Variants in TASP1 observed in about 807,000 individuals in gnomAD.
TASP1 encodes the protein taspase 1.
Under a neutral mutation model 56.6 loss-of-function variants are expected in TASP1, and 16 were observed. The ratio of observed to expected loss-of-function variants is 0.28; its 90% CI spans 0.19 to 0.43. TASP1 has a LOEUF of 0.43. Among genes scored for constraint, TASP1 ranks in the 20% least tolerant of loss-of-function variants. The pLI is 1.00. For missense variants in TASP1, 393 were observed against 511.6 expected (o/e 0.77, Z 2.24); for synonymous variants, 179 against 184.2 (o/e 0.97, Z 0.23).
intron 10 of TASP1, among the ~76,000 whole-genome samples, chr20:13,524,262 G>A (rs1468908686): frequency 6.6e-6 from 1 of 151,900 alleles, no homozygotes; most frequent in Non-Finnish European, 1.5e-5. Flanking sequence ...CCCTCCTTCT[G>A]ATCTTCTAAT....
At position 13,442,966 on chromosome 20, in the gene TASP1, G is replaced by A. The variant is rs192967457; in HGVS notation, c.986-7812C>T. Among the ~76,000 whole-genome samples the A allele has an allele frequency of 3.9e-4, 59 of 152,280 alleles. 1 individual carries two copies. The highest frequency in any genetic ancestry group is 1.9e-3 in the South Asian group (9 of 4,824). On this transcript the variant is annotated intron_variant, in intron 11 of 13. Transcript: ENST00000337743. ...ATAATTTTTTAAATTGCACTCTTCA[G>A]TTTTTTCATTATAAATAACAGATAT... is the stretch of plus-strand genomic sequence containing the variant.
the TASP1 span, among the ~76,000 whole-genome samples, chr20:13,220,702 C>CA: frequency 1.3e-5 from 2 of 152,360 alleles, no homozygotes; most frequent in South Asian, 4.1e-4. Flanking sequence ...GCCCGGCTAG[C>CA]GGGCGGCCCA....
chr20:13,552,711 C>T (rs2046020284), intron 8 of TASP1, among the ~76,000 whole-genome samples: 1 of 152,082 alleles, frequency 6.6e-6, no homozygotes, highest in Admixed American at 6.5e-5. Context: ...GAAAATTCAC[C>T]ACCACATAGA....
chr20:13,483,383 C>A (rs2273480), intron 10 of TASP1, 46 bp from the exon 11 acceptor site: 568,856 of 1,369,710 alleles, frequency 0.42, 120,240 homozygotes, highest in Non-Finnish European at 0.44. Flanking sequence ...CAGCACCGAA[C>A]ACCCTGCTTA....
At chr20:13,628,687 C>G (rs2048983247) in intron 2 of TASP1, among the ~76,000 whole-genome samples, 2 of 152,166 alleles carry the variant, frequency 1.3e-5, no homozygotes, top group Non-Finnish European at 2.9e-5. Flanking sequence ...CTGCTGTCAT[C>G]TTGCTTGACT....
At chr20:13,280,685 C>T in the TASP1 span, among the ~76,000 whole-genome samples, 19 of 152,232 alleles carry the variant, frequency 1.2e-4, no homozygotes, top group Admixed American at 1.1e-3. Context: ...AACACACACT[C>T]GTAAGGCCCT....
At chr20:13,613,872 G>A (rs2048434004) in intron 4 of TASP1, among the ~76,000 whole-genome samples, 1 of 151,948 alleles carries the variant, frequency 6.6e-6, no homozygotes, top group African/African-American at 2.4e-5. Flanking sequence ...GAACCTCAGG[G>A]CATACTTGCA....
intron 13 of TASP1, among the ~76,000 whole-genome samples, chr20:13,402,552 A>G (rs2123660591): frequency 6.6e-6 from 1 of 152,350 alleles, no homozygotes; most frequent in East Asian, 1.9e-4. Flanking sequence ...TTCTTAGTAT[A>G]TAGGTTTATT....
chr20:13,582,564 T>C (rs2047165122), intron 5 of TASP1, among the ~76,000 whole-genome samples: 1 of 152,234 alleles, frequency 6.6e-6, no homozygotes, highest in South Asian at 2.1e-4. Context: ...ATCATTTTTT[T>C]ATTTGAAGCT....
chr20:13,299,399 C>T, the TASP1 span: 1 of 1,612,862 alleles, frequency 6.2e-7, no homozygotes, highest in Non-Finnish European at 8.5e-7. The surrounding 1 kb of genome is among the most constrained non-coding windows in gnomAD (Gnocchi z 5.8). Context: ...GACAGAAGTG[C>T]ACAGAGAGCC....
chr20:13,514,833 C>T (rs927661564), intron 10 of TASP1, among the ~76,000 whole-genome samples: 34 of 152,126 alleles, frequency 2.2e-4, no homozygotes, highest in Non-Finnish European at 2.9e-4. Context: ...TATCTTTAAT[C>T]GTGGCATTTT....
chr20:13,188,341 A>ATAAATAAATAAATT, the TASP1 span, among the ~76,000 whole-genome samples: 1 of 152,210 alleles, frequency 6.6e-6, no homozygotes. Context: ...AATTGAGTAA[A>ATAAATAAATAAATT]GTTGCAGGAT....
the TASP1 span, among the ~76,000 whole-genome samples, chr20:13,342,084 T>C: frequency 8.5e-5 from 13 of 152,264 alleles, no homozygotes; most frequent in South Asian, 2.7e-3. Context: ...GGAACTAGAC[T>C]CCACCCCTTG....
intron 7 of TASP1, among the ~76,000 whole-genome samples, chr20:13,568,073 A>G (rs2046595564): frequency 1.3e-5 from 2 of 152,220 alleles, no homozygotes; most frequent in African/African-American, 4.8e-5. Flanking sequence ...TTTCAGCCCT[A>G]CTGCTACACA....
intron 10 of TASP1, among the ~76,000 whole-genome samples, chr20:13,519,756 T>G (rs1379614572): frequency 1.3e-5 from 2 of 152,204 alleles, no homozygotes; most frequent in Admixed American, 6.5e-5. Context: ...AACATAGTGT[T>G]GGAAGTTCTG....
At chr20:13,587,047 A>G (rs2047331320) in intron 5 of TASP1, among the ~76,000 whole-genome samples, 1 of 152,156 alleles carries the variant, frequency 6.6e-6, no homozygotes, top group Non-Finnish European at 1.5e-5. Flanking sequence ...TAATCTCTTC[A>G]AGGGATACAG....
chr20:13,509,124 AGTGTGTGTGTGTGTGTGTGT>A (rs71334125), intron 10 of TASP1, among the ~76,000 whole-genome samples: 1 of 142,778 alleles, frequency 7.0e-6, no homozygotes, highest in Non-Finnish European at 1.5e-5. Flanking sequence ...GAATGAAGAA[AGTGTGTGTGTGTGTGTGTGT>A]GTGTGTGTGT....
chr20:13,603,962 A>G (rs776967405), intron 4 of TASP1, among the ~76,000 whole-genome samples: 5 of 152,122 alleles, frequency 3.3e-5, no homozygotes, highest in Non-Finnish European at 7.3e-5. Flanking sequence ...CCATCCCCCA[A>G]GTGACATCTG....
At position 13,569,728 on chromosome 20, in the gene TASP1, G is replaced by A; in HGVS notation, c.489-142C>T. 4 of 626,496 alleles carry A rather than the reference G, an allele frequency of 6.4e-6. No homozygotes were observed. The East Asian group carries it at 1.2e-4, about 18-fold the overall frequency. 38.8% of individuals were successfully genotyped at this position (626,496 alleles called of 1,614,324 possible). On this transcript the variant is annotated intron_variant, in intron 6 of 13. Coordinates refer to ENST00000337743, the MANE Select transcript of TASP1 (RefSeq NM_017714.3). ...CAGATTTACCTCAAAGTAGTAAGAT[G>A]ACTGCATGCTAAAAAATTCCTGAAA...
Sources: allele counts gnomAD v4.1 joint callset (sites outside exome capture counted in the v4.1 genomes callset), GRCh38; gene constraint gnomAD v4.1.1; non-coding constraint Gnocchi (gnomAD v3.1); transcripts MANE v1.5; gene names NCBI Gene and HGNC (gene_info 2026-07-23, HGNC 2026-07-21).